Variants in LRRN2 observed in about 807,000 individuals in gnomAD.
The protein encoded by LRRN2 is leucine-rich repeat neuronal protein 2.
In LRRN2, 10 loss-of-function variants were observed where a neutral mutation model predicts 35.7. The observed-to-expected ratio is 0.28, with a 90% CI of 0.17 to 0.47. LRRN2 has a LOEUF of 0.47. Ranked by LOEUF, LRRN2 falls within the 20% of genes least tolerant of loss-of-function variation. The probability of loss-of-function intolerance (pLI) is 0.99; values close to 1 mark genes in which losing one functional copy is unlikely to be tolerated. For synonymous variants in LRRN2, 391 were observed against 409.6 expected (o/e 0.95, Z 0.55); for missense variants, 731 against 940.3 (o/e 0.78, Z 2.91).
chr1:204,617,312 T>G lies in LRRN2; in HGVS notation c.*539A>C, dbSNP rs1335127904. On this transcript the variant is annotated 3_prime_UTR_variant, in exon 2 of 2. Transcript: ENST00000367177. ...ACAAAATTGCCTATAGAAAGTCAGC[T>G]TCGGAATGCCGAGCCCAGGCTGCTG... is the stretch of plus-strand genomic sequence containing the variant. 6.5e-6 allele frequency: 1 copy of G among 153,170 alleles called. No homozygotes were observed. Among genetic ancestry groups the G allele is most frequent in the African/African-American group, 2.4e-5 (1 of 41,464 alleles). The allele number at this position is 153,170 out of a possible 1,614,324, so 9.5% of individuals were successfully genotyped here. A position where few individuals can be genotyped will look rare whatever the true frequency, so the allele number is the denominator to read the frequency against.
At chr1:204,642,406 G>A (rs983150493) in intron 1 of LRRN2, among the ~76,000 whole-genome samples, 1 of 152,174 alleles carries the variant, frequency 6.6e-6, no homozygotes, top group African/African-American at 2.4e-5. Context: ...CCTGTGCCAG[G>A]AGCTACTCTT....
At position 204,619,082 on chromosome 1, in the gene LRRN2, A is replaced by G; in HGVS notation, c.911T>C (p.Phe304Ser). The G allele has an allele frequency of 6.2e-7, 1 of 1,607,152 alleles. No homozygotes were observed. Among genetic ancestry groups the G allele is most frequent in the East Asian group, 2.2e-5 (1 of 44,764 alleles). The change falls in exon 2 of 2, where the codon TTT (phenylalanine) becomes TCT (serine). Residue 304 changes from phenylalanine (F) to serine (S), a missense_variant. By Grantham distance (155) the Phe-to-Ser change is radical. Around this residue, in one of 3 missense-constraint regions of LRRN2, gnomAD observed 256 missense variants for 392.4 expected, o/e 0.65. Transcript: ENST00000367177. ...CAGCTCGGGGAGGTTCACCAGGGCA[A>G]ACTTGTCGATGGAGACCAGCTCCTC... ...NMEELVSIDK[F>S]ALVNLPELTK...
At chr1:204,675,433 G>C (rs1349515780) in intron 1 of LRRN2, among the ~76,000 whole-genome samples, 1 of 152,324 alleles carries the variant, frequency 6.6e-6, no homozygotes, top group Admixed American at 6.5e-5. Context: ...GGAGGCTGGA[G>C]GAGAGACTCT....
At chr1:204,677,255 G>A (rs533572394) in intron 1 of LRRN2, among the ~76,000 whole-genome samples, 11 of 152,302 alleles carry the variant, frequency 7.2e-5, no homozygotes, top group Non-Finnish European at 1.5e-4. Flanking sequence ...CAGCCTCTGC[G>A]TCTTCCAGGG....
chr1:204,653,512 C>A (rs1353012381), intron 1 of LRRN2, among the ~76,000 whole-genome samples: 1 of 152,192 alleles, frequency 6.6e-6, no homozygotes, highest in Non-Finnish European at 1.5e-5. Context: ...TAACCCATAT[C>A]AGCCTACAAC....
intron 1 of LRRN2, chr1:204,628,894 A>G (rs1667588454): frequency 1.3e-5 from 2 of 152,348 alleles, no homozygotes; most frequent in African/African-American, 4.8e-5. Context: ...AGAAGGGTCA[A>G]GAGCGCCCCT....
In LRRN2 at chr1:204,676,716, C is replaced by A. The variant is rs189978836; in HGVS notation, c.-227+8604G>T. ...CTTCTATCATATGTCCCAGGGGATCCCGGAAAAGAAATGTGATGAGGTAGG... is the reference window on the plus strand; with the variant it reads ...CTTCTATCATATGTCCCAGGGGATCACGGAAAAGAAATGTGATGAGGTAGG... On this transcript the variant is annotated intron_variant, in intron 1 of 1. Coordinates refer to ENST00000367177, the MANE Select transcript of LRRN2 (RefSeq NM_201630.2). 9.7e-4 allele frequency among the ~76,000 whole-genome samples: 147 copies of A among 152,196 alleles called. No homozygotes were observed. The South Asian group carries it at 0.013, about 13-fold the overall frequency.
chr1:204,671,486 G>A (rs1668711319), intron 1 of LRRN2, among the ~76,000 whole-genome samples: 2 of 149,856 alleles, frequency 1.3e-5, no homozygotes, highest in South Asian at 4.3e-4. Flanking sequence ...AGCAGATAAA[G>A]CAATTAATCC....
intron 1 of LRRN2, chr1:204,664,641 A>G (rs1030594520): frequency 2.6e-5 from 4 of 152,162 alleles, no homozygotes; most frequent in African/African-American, 9.7e-5. Flanking sequence ...CCTTCTGAGC[A>G]CAGACCCTTC....
At chr1:204,654,033 CAAAAAAAAAAA>C (rs56179230) in intron 1 of LRRN2, among the ~76,000 whole-genome samples, 1 of 84,312 alleles carries the variant, frequency 1.2e-5, no homozygotes, top group African/African-American at 4.4e-5. Flanking sequence ...GAGACCCTGA[CAAAAAAAAAAA>C]AAAAAAAAAA....
intron 1 of LRRN2, among the ~76,000 whole-genome samples, chr1:204,658,756 A>T (rs1186777456): frequency 6.6e-6 from 1 of 152,204 alleles, no homozygotes; most frequent in African/African-American, 2.4e-5. Context: ...CTATCAAGCC[A>T]AGTCAGTTAC....
chr1:204,642,173 A>G (rs540109678), intron 1 of LRRN2, among the ~76,000 whole-genome samples: 2 of 152,300 alleles, frequency 1.3e-5, no homozygotes, highest in African/African-American at 4.8e-5. Flanking sequence ...CAGGGAATTA[A>G]CAGGGGGAAC....
intron 1 of LRRN2, among the ~76,000 whole-genome samples, chr1:204,658,150 A>G (rs1668400531): frequency 6.6e-6 from 1 of 151,470 alleles, no homozygotes; most frequent in African/African-American, 2.4e-5. Context: ...GCTAATTTTT[A>G]TATTTTTAGT....
At chr1:204,683,610 G>A (rs966837447) in intron 1 of LRRN2, among the ~76,000 whole-genome samples, 6 of 152,142 alleles carry the variant, frequency 3.9e-5, no homozygotes, top group African/African-American at 7.2e-5. Context: ...GTGTTTCCCC[G>A]GGAGGAGACT....
intron 1 of LRRN2, among the ~76,000 whole-genome samples, chr1:204,638,119 G>A (rs1451423346): frequency 3.2e-5 from 3 of 93,536 alleles, no homozygotes; most frequent in African/African-American, 9.1e-5. Flanking sequence ...CCCCCGCCCC[G>A]AACATCAGGC....
chr1:204,655,028 C>T (rs1330250616), intron 1 of LRRN2, among the ~76,000 whole-genome samples: 1 of 152,206 alleles, frequency 6.6e-6, no homozygotes, highest in Non-Finnish European at 1.5e-5. Flanking sequence ...TGTAGCTGTT[C>T]TGAAACTTTA....
chr1:204,654,114 C>G lies in LRRN2; in HGVS notation c.-227+31206G>C, dbSNP rs145498060. On this transcript the variant is annotated intron_variant, in intron 1 of 1. Coordinates refer to ENST00000367177, the MANE Select transcript of LRRN2 (RefSeq NM_201630.2). ...ACAGCTGAAGCTGGGATTTGAATCT[C>G]GGCAGTCTGGCCCCAAAGTCTGTGT... is the stretch of plus-strand genomic sequence containing the variant. Among the ~76,000 whole-genome samples the G allele has an allele frequency of 4.1e-3, 619 of 151,442 alleles. 5 individuals carry two copies. The highest frequency in any genetic ancestry group is 0.014 in the African/African-American group (586 of 41,214).
intron 1 of LRRN2, among the ~76,000 whole-genome samples, chr1:204,677,439 C>G (rs955192104): frequency 3.9e-5 from 6 of 152,164 alleles, no homozygotes; most frequent in African/African-American, 1.4e-4. Context: ...TCCCCAAGAT[C>G]CAGGGAGAGG....
intron 1 of LRRN2, among the ~76,000 whole-genome samples, chr1:204,657,702 T>C (rs1000447223): frequency 2.6e-5 from 4 of 152,218 alleles, no homozygotes; most frequent in Admixed American, 1.3e-4. Flanking sequence ...AACTACCAAA[T>C]TGTACACTTT....
Sources: gnomAD v4.1 joint callset for allele counts (sites outside exome capture counted in the v4.1 genomes callset) on GRCh38, gnomAD v4.1.1 for gene constraint, gnomAD v4.1.1 regional missense constraint, MANE v1.5 for transcripts, NCBI Gene and HGNC (gene_info 2026-07-23, HGNC 2026-07-21) for gene names.